Variants in TMEM268 observed in about 807,000 individuals in gnomAD.
The protein encoded by TMEM268 is transmembrane protein 268, also known as transmembrane protein C9orf91.
TMEM268 carries 24 observed loss-of-function variants against 39.1 expected under a neutral mutation model. That is an observed-to-expected ratio of 0.61 (90% CI 0.44 to 0.86). The LOEUF (loss-of-function observed/expected upper bound fraction) is 0.86, where lower values mean the gene tolerates loss of function less well. Ranked by LOEUF, TMEM268 falls within the 40% of genes least tolerant of loss-of-function variation. TMEM268 has a pLI of 0.00. For synonymous variants in TMEM268, 176 were observed against 173.5 expected (o/e 1.01, Z -0.12); for missense variants, 409 against 428.6 (o/e 0.95, Z 0.40).
intron 2 of TMEM268, among the ~76,000 whole-genome samples, chr9:114,618,105 G>A (rs1845806901): frequency 1.3e-5 from 2 of 151,954 alleles, no homozygotes. Flanking sequence ...TCGAATTTCT[G>A]ACCTCAGGTG....
intron 2 of TMEM268, 42 bp downstream of exon 2, chr9:114,617,343 A>G: frequency 6.9e-7 from 1 of 1,449,998 alleles, no homozygotes; most frequent in Non-Finnish European, 9.6e-7. Flanking sequence ...TTTCTACCTC[A>G]TGCTGAACTG....
At chr9:114,634,889 C>A (rs1251227424) in intron 6 of TMEM268, among the ~76,000 whole-genome samples, 1 of 152,162 alleles carries the variant, frequency 6.6e-6, no homozygotes, top group East Asian at 1.9e-4. Flanking sequence ...AAGCAGATGA[C>A]ATCACAAGAT....
At chr9:114,631,292 A>AAAAAAAAAAAAG (rs1564295028) in intron 5 of TMEM268, among the ~76,000 whole-genome samples, 52 of 20,268 alleles carry the variant, frequency 2.6e-3, no homozygotes, top group African/African-American at 6.3e-3. Context: ...CAAAAAAAAA[A>AAAAAAAAAAAAG]AAAAAAAAAA....
At chr9:114,608,586 G>T (rs1285949893), upstream of TMEM268, among the ~76,000 whole-genome samples, 31 of 152,348 alleles carry the variant, frequency 2.0e-4, no homozygotes, top group Non-Finnish European at 3.2e-4. Flanking sequence ...TAGATAGATG[G>T]TGATCAGGCC....
chr9:114,609,534 C>T (rs1419758261), upstream of TMEM268, among the ~76,000 whole-genome samples: 2 of 151,460 alleles, frequency 1.3e-5, no homozygotes, highest in East Asian at 3.9e-4. Flanking sequence ...AAAACAAAAA[C>T]ATTAGCCGGG....
chr9:114,643,018 A>G (rs2133729030), intron 8 of TMEM268, 116 bp from the exon 9 acceptor site: 2 of 1,046,696 alleles, frequency 1.9e-6, no homozygotes, highest in South Asian at 3.0e-5. Context: ...CTTCCTAGAG[A>G]GCATCACTGC....
chr9:114,615,085 C>T (rs1421032356), intron 1 of TMEM268, among the ~76,000 whole-genome samples: 3 of 151,768 alleles, frequency 2.0e-5, no homozygotes, highest in East Asian at 1.9e-4. Flanking sequence ...TTAGTAGAGA[C>T]GGGGTTTCAC....
Position 114,628,116 on chromosome 9 carries a change from G to C in TMEM268, c.340G>C (p.Val114Leu), listed in dbSNP as rs972516517. ...CATCTTGCAGGTTTTCTATGTGGTG[G>C]TGTGGGCCAATATCTACTCTACCAG... The part of the protein sequence containing the change: ...LAFAVVFYVV[V>L]WANIYSTSQM... The change falls in exon 5 of 9, where the codon GTG (valine) becomes CTG (leucine). Residue 114 changes from valine to leucine, a missense_variant. Physicochemically the swap from Val to Leu is conservative, Grantham distance 32. Coordinates refer to ENST00000288502, the MANE Select transcript of TMEM268 (RefSeq NM_153045.4). The C allele has an allele frequency of 1.2e-6, 2 of 1,613,864 alleles. No homozygotes were observed. Among genetic ancestry groups the C allele is most frequent in the African/African-American group, 2.7e-5 (2 of 74,914 alleles).
chr9:114,621,314 C>T (rs1210689769), intron 2 of TMEM268, among the ~76,000 whole-genome samples: 2 of 150,246 alleles, frequency 1.3e-5, no homozygotes, highest in Non-Finnish European at 3.0e-5. Context: ...TCACTGCACT[C>T]CAGCCTGGGT....
chr9:114,608,687 T>C (rs546921951), upstream of TMEM268, among the ~76,000 whole-genome samples: 2 of 152,200 alleles, frequency 1.3e-5, no homozygotes, highest in Non-Finnish European at 2.9e-5. Flanking sequence ...CGCGTCTAAA[T>C]TGTTTTTTGT....
intron 5 of TMEM268, 70 bp downstream of exon 5, chr9:114,628,320 CCCTTTTGCCT>C (rs1846248860): frequency 1.3e-6 from 2 of 1,553,886 alleles, no homozygotes; most frequent in Non-Finnish European, 1.8e-6. Context: ...TCAGATTTTT[CCCTTTTGCCT>C]CCCTCAAAGA....
At chr9:114,616,694 G>A (rs1487743684) in intron 1 of TMEM268, among the ~76,000 whole-genome samples, 1 of 151,106 alleles carries the variant, frequency 6.6e-6, no homozygotes, top group Non-Finnish European at 1.5e-5. Flanking sequence ...TGTGTATTTT[G>A]CAGTGTCTTA....
At chr9:114,624,247 A>C (rs1846061798) in intron 2 of TMEM268, 103 bp from the exon 3 acceptor site, 1 of 1,506,990 alleles carries the variant, frequency 6.6e-7, no homozygotes, top group Non-Finnish European at 8.9e-7. Flanking sequence ...TGTTGCGAGG[A>C]GGTTCTCATG....
At chr9:114,606,052 G>A in the TMEM268 span, among the ~76,000 whole-genome samples, 1 of 151,880 alleles carries the variant, frequency 6.6e-6, no homozygotes, top group South Asian at 2.1e-4. Flanking sequence ...TGACTGGGTT[G>A]TCTACAATTA....
At chr9:114,604,108 G>A in the TMEM268 span, among the ~76,000 whole-genome samples, 3 of 151,924 alleles carry the variant, frequency 2.0e-5, no homozygotes, top group Non-Finnish European at 2.9e-5. Flanking sequence ...CTTGCAATCC[G>A]GCTTTTGCAT....
upstream of TMEM268, among the ~76,000 whole-genome samples, chr9:114,606,321 C>T (rs190390589): frequency 5.9e-5 from 9 of 152,312 alleles, no homozygotes; most frequent in Admixed American, 5.9e-4. Context: ...GGCCCGGTTT[C>T]CTGACAAACA....
intron 3 of TMEM268, among the ~76,000 whole-genome samples, chr9:114,625,296 G>T (rs945404020): frequency 6.6e-6 from 1 of 152,126 alleles, no homozygotes; most frequent in East Asian, 1.9e-4. Context: ...GTACCTATAT[G>T]TATGGGTTTT....
At chr9:114,634,766 C>G (rs1385534453) in intron 6 of TMEM268, among the ~76,000 whole-genome samples, 1 of 152,076 alleles carries the variant, frequency 6.6e-6, no homozygotes, top group East Asian at 1.9e-4. Flanking sequence ...GTACCAGGCA[C>G]TGTCCCAGGG....
At chr9:114,612,440 GCTGT>G (rs983599466) in intron 1 of TMEM268, among the ~76,000 whole-genome samples, 6 of 152,064 alleles carry the variant, frequency 3.9e-5, no homozygotes, top group East Asian at 1.9e-4. Context: ...CCTCCACCCT[GCTGT>G]CTGTCTGACC....
Sources: allele counts gnomAD v4.1 joint callset (sites outside exome capture counted in the v4.1 genomes callset), GRCh38; gene constraint gnomAD v4.1.1; transcripts MANE v1.5; gene names NCBI Gene and HGNC (gene_info 2026-07-23, HGNC 2026-07-21).